KHK: variants seen among roughly 807,000 people sequenced by gnomAD.
The protein encoded by KHK is ketohexokinase.
In KHK, 37 loss-of-function variants were observed where a neutral mutation model predicts 36.0. The ratio of observed to expected loss-of-function variants is 1.03; its 90% CI spans 0.79 to 1.35. The LOEUF (loss-of-function observed/expected upper bound fraction) is 1.35, where lower values mean the gene tolerates loss of function less well. KHK is among the 40% of genes most tolerant of loss of function. The pLI, the probability that KHK is intolerant of heterozygous loss-of-function variation, is 0.00. For missense variants in KHK, 395 were observed against 391.9 expected, an observed-to-expected ratio of 1.01 and a Z score of -0.07; for synonymous variants, 161 against 162.8, an observed-to-expected ratio of 0.99 and a Z score of 0.08.
At position 27,097,395 on chromosome 2, in the gene KHK, TC is replaced by T. The variant is rs566499860; in HGVS notation, c.418-104del. On this transcript the variant is annotated intron_variant, in intron 4 of 7. Transcript: ENST00000260598. ...TTTAGGATGGGGTTCTAGCCCAGCC[TC>T]CCCGAGGCCCTCTCCCTCCTCACCC... 2.7e-4 allele frequency: 391 copies of T among 1,463,294 alleles called. 1 individual carries two copies. In the African/African-American group the frequency reaches 4.8e-3, roughly 18 times the overall value. 90.6% of individuals were successfully genotyped at this position (1,463,294 alleles called of 1,614,324 possible).
chr2:27,099,112 G>A lies in KHK; in HGVS notation c.565-84G>A, dbSNP rs926746102. The stretch of plus-strand genomic sequence containing the variant: ...TCTATGTGGACATGTTGGGGGAGTC[G>A]TGTTGTAATGGGGGCAACGCTAGGC... On this transcript the variant is annotated intron_variant, in intron 5 of 7. Coordinates refer to ENST00000260598, the MANE Select transcript of KHK (RefSeq NM_006488.3). 3.4e-6 allele frequency: 4 copies of A among 1,160,486 alleles called. 1 individual carries two copies. The South Asian group carries it at 3.7e-5, about 11-fold the overall frequency. The allele number at this position is 1,160,486 out of a possible 1,614,324, so 71.9% of individuals were successfully genotyped here. A position where few individuals can be genotyped will look rare whatever the true frequency, so the allele number is the denominator to read the frequency against.
chr2:27,097,687 C>G, intron 5 of KHK, 38 bp downstream of exon 5: 1 of 1,613,670 alleles, frequency 6.2e-7, no homozygotes, highest in East Asian at 2.2e-5. Context: ...CCACTTCCAG[C>G]TAATTTGGTT....
At chr2:27,093,060 C>T (rs1035519480) in intron 2 of KHK, among the ~76,000 whole-genome samples, 1 of 152,196 alleles carries the variant, frequency 6.6e-6, no homozygotes, top group Non-Finnish European at 1.5e-5. Flanking sequence ...CCTCAGAGCC[C>T]TTTGACCCCT....
intron 5 of KHK, among the ~76,000 whole-genome samples, chr2:27,098,009 T>A (rs956730055): frequency 3.3e-5 from 5 of 152,130 alleles, no homozygotes; most frequent in African/African-American, 1.2e-4. Flanking sequence ...AACTGTTCTC[T>A]GAGGTTTCTT....
At position 27,100,552 on chromosome 2, in the gene KHK, T is replaced by A. The variant is rs1046075237; in HGVS notation, c.*802T>A. On this transcript the variant is annotated 3_prime_UTR_variant, in exon 8 of 8. Coordinates refer to ENST00000260598, the MANE Select transcript of KHK (RefSeq NM_006488.3). ...ATAGGGTGGGTAAGGCCTTATAATG[T>A]AAAGAGCATATAATGTAAAGGGCTT... The A allele has an allele frequency of 5.4e-6, 7 of 1,289,892 alleles. No individual in the cohort carries two copies. The African/African-American group carries it at 1.1e-4, about 20-fold the overall frequency. 79.9% of individuals were successfully genotyped at this position (1,289,892 alleles called of 1,614,324 possible). A position where few individuals can be genotyped will look rare whatever the true frequency, so the allele number is the denominator to read the frequency against.
intron 1 of KHK, among the ~76,000 whole-genome samples, chr2:27,088,579 A>C (rs1468961897): frequency 1.3e-5 from 2 of 149,902 alleles, no homozygotes; most frequent in Non-Finnish European, 3.0e-5. Context: ...TGCCCCACTA[A>C]TTTTTTTTTT....
intron 6 of KHK, 55 bp downstream of exon 6, chr2:27,099,339 C>A (rs1572881502): frequency 6.2e-7 from 1 of 1,613,220 alleles, no homozygotes; most frequent in Admixed American, 1.7e-5. Context: ...AGCCTGGACT[C>A]CAGGAGTCCG....
chr2:27,099,930 G>GA lies in KHK; in HGVS notation c.*181dup. The GA allele has an allele frequency of 5.8e-6, 8 of 1,368,568 alleles. No individual in the cohort carries two copies. Among genetic ancestry groups the GA allele is most frequent in the Non-Finnish European group, 8.1e-6 (8 of 982,880 alleles). 84.8% of individuals were successfully genotyped at this position (1,368,568 alleles called of 1,614,324 possible). On this transcript the variant is annotated 3_prime_UTR_variant, in exon 8 of 8. Coordinates refer to ENST00000260598, the MANE Select transcript of KHK (RefSeq NM_006488.3). Reference sequence around the variant, plus strand: ...AGAGGCTCTGGGGGGATGGCTGGGGGATGCAGAGCCTCAGAGCAAATAAAT... The same window carrying GA: ...AGAGGCTCTGGGGGGATGGCTGGGGGAATGCAGAGCCTCAGAGCAAATAAAT...
intron 2 of KHK, among the ~76,000 whole-genome samples, chr2:27,092,887 A>G (rs746958767): frequency 4.6e-5 from 7 of 152,086 alleles, no homozygotes; most frequent in Non-Finnish European, 8.8e-5. Flanking sequence ...GCTGGTGCTC[A>G]TGTCCCTGTT....
chr2:27,099,084 G>C (rs1670604545), intron 5 of KHK, 112 bp from the exon 6 acceptor site: 1 of 915,856 alleles, frequency 1.1e-6, no homozygotes, highest in South Asian at 1.3e-5. Context: ...GCTACGTTGG[G>C]GATCTATGTG....
chr2:27,098,970 C>T (rs1670592794), intron 5 of KHK: 1 of 515,040 alleles, frequency 1.9e-6, no homozygotes, highest in Admixed American at 3.1e-5. Context: ...GAGGCTGAGG[C>T]AGGAAGATCA....
At chr2:27,099,322 C>T (rs575891124) in intron 6 of KHK, 38 bp downstream of exon 6, 3 of 1,613,212 alleles carry the variant, frequency 1.9e-6, no homozygotes, top group African/African-American at 1.3e-5. Context: ...TTAGAAGGTA[C>T]AGGATGAGCC....
At chr2:27,094,128 C>G in intron 2 of KHK, 1 of 386,718 alleles carries the variant, frequency 2.6e-6, no homozygotes, top group South Asian at 2.2e-5. Context: ...CCCCCACATG[C>G]TTGGTTCAAA....
At chr2:27,095,003 C>T in intron 3 of KHK, 69 bp downstream of exon 3, 1 of 1,572,666 alleles carries the variant, frequency 6.4e-7, no homozygotes, top group Non-Finnish European at 8.7e-7. Flanking sequence ...CCTCACTCGC[C>T]ACCATGGGCA....
At chr2:27,097,030 G>GT (rs1171150538) in intron 4 of KHK, among the ~76,000 whole-genome samples, 1 of 152,222 alleles carries the variant, frequency 6.6e-6, no homozygotes, top group Non-Finnish European at 1.5e-5. Flanking sequence ...GCTGGCTCCA[G>GT]GCAAAGTCCT....
At chr2:27,089,729 G>A (rs534736813) in intron 1 of KHK, among the ~76,000 whole-genome samples, 2 of 152,186 alleles carry the variant, frequency 1.3e-5, no homozygotes, top group East Asian at 1.9e-4. Flanking sequence ...GAGCACATCC[G>A]AGTGGGGACC....
intron 2 of KHK, among the ~76,000 whole-genome samples, chr2:27,093,243 C>T (rs1357186096): frequency 2.0e-5 from 3 of 152,264 alleles, no homozygotes; most frequent in Non-Finnish European, 4.4e-5. Flanking sequence ...AAACTCCCTG[C>T]CTTGATGAAC....
intron 4 of KHK, among the ~76,000 whole-genome samples, chr2:27,097,159 C>T (rs1670407239): frequency 6.6e-6 from 1 of 152,218 alleles, no homozygotes; most frequent in Non-Finnish European, 1.5e-5. Flanking sequence ...CCTGACTCAG[C>T]TCCCAAATAA....
intron 1 of KHK, among the ~76,000 whole-genome samples, chr2:27,090,842 C>T (rs931441132): frequency 7.9e-5 from 12 of 151,746 alleles, no homozygotes; most frequent in African/African-American, 2.2e-4. Context: ...TCGCTTGAGC[C>T]GAGGAGTTCG....
Sources: allele counts gnomAD v4.1 joint callset (sites outside exome capture counted in the v4.1 genomes callset), GRCh38; gene constraint gnomAD v4.1.1; transcripts MANE v1.5; gene names NCBI Gene and HGNC (gene_info 2026-07-23, HGNC 2026-07-21).